The following ABTB3 variants were observed in gnomAD, a reference collection of about 807,000 sequenced individuals.
ABTB3 encodes ankyrin repeat and BTB domain containing 3.
the ABTB3 span, among the ~76,000 whole-genome samples, chr12:107,573,526 G>A: frequency 1.3e-5 from 2 of 149,232 alleles, no homozygotes; most frequent in African/African-American, 5.0e-5. Context: ...GGAACAGATG[G>A]TGAGTGGACA....
the ABTB3 span, among the ~76,000 whole-genome samples, chr12:107,464,976 A>ACACC: frequency 3.7e-3 from 524 of 142,374 alleles, 1 homozygote; most frequent in African/African-American, 0.013. Flanking sequence ...ACACACACAC[A>ACACC]CCCCAGAGAA....
chr12:107,631,771 G>T, the ABTB3 span, among the ~76,000 whole-genome samples: 7 of 152,186 alleles, frequency 4.6e-5, no homozygotes, highest in Non-Finnish European at 8.8e-5. Flanking sequence ...ATTTTTCAGA[G>T]GGAAACCCTG....
chr12:107,637,400 T>A, the ABTB3 span, among the ~76,000 whole-genome samples: 3,049 of 149,652 alleles, frequency 0.02, 41 homozygotes, highest in Non-Finnish European at 0.027. Flanking sequence ...TCAAAAAATT[T>A]AAAAAAAAAA....
At chr12:107,541,435 CTCTCTCTCTT>C in the ABTB3 span, among the ~76,000 whole-genome samples, 2 of 152,238 alleles carry the variant, frequency 1.3e-5, no homozygotes. Flanking sequence ...GGATTTCTCT[CTCTCTCTCTT>C]TCTCTGTAGC....
chr12:107,595,336 C>T, the ABTB3 span, among the ~76,000 whole-genome samples: 1 of 152,076 alleles, frequency 6.6e-6, no homozygotes, highest in Non-Finnish European at 1.5e-5. Context: ...AAGCAAGCCA[C>T]AGGGGAGCAG....
chr12:107,632,382 G>A, the ABTB3 span, among the ~76,000 whole-genome samples: 2 of 152,320 alleles, frequency 1.3e-5, no homozygotes, highest in South Asian at 4.1e-4. Flanking sequence ...ACACCCTGGT[G>A]TAGATGAGTG....
the ABTB3 span, among the ~76,000 whole-genome samples, chr12:107,338,781 G>C: frequency 1.3e-5 from 2 of 152,142 alleles, no homozygotes; most frequent in East Asian, 1.9e-4. Context: ...AGGTGATGAG[G>C]CTCCTCGAGA....
the ABTB3 span, among the ~76,000 whole-genome samples, chr12:107,368,791 G>A: frequency 1.3e-5 from 2 of 152,196 alleles, no homozygotes; most frequent in African/African-American, 4.8e-5. Context: ...AATCTGTTGA[G>A]TATAATGTGG....
chr12:107,496,400 CT>C, the ABTB3 span, among the ~76,000 whole-genome samples: 1 of 152,128 alleles, frequency 6.6e-6, no homozygotes, highest in African/African-American at 2.4e-5. Flanking sequence ...TTGATTAAAT[CT>C]CCCTTGGAAT....
At chr12:107,539,953 C>T in the ABTB3 span, among the ~76,000 whole-genome samples, 7,094 of 152,212 alleles carry the variant, frequency 0.047, 553 homozygotes, top group African/African-American at 0.16. Flanking sequence ...AAGAGAATGT[C>T]CTTCCTTGAT....
chr12:107,646,731 G>A, the ABTB3 span, among the ~76,000 whole-genome samples: 1 of 152,194 alleles, frequency 6.6e-6, no homozygotes, highest in African/African-American at 2.4e-5. Flanking sequence ...TGCTTGCTGT[G>A]TGCCAAGCCC....
At chr12:107,643,402 CAA>C in the ABTB3 span, among the ~76,000 whole-genome samples, 17 of 79,526 alleles carry the variant, frequency 2.1e-4, no homozygotes, top group East Asian at 1.6e-3. Flanking sequence ...GACCCTATCT[CAA>C]AAAAAAAAAA....
At chr12:107,477,488 G>A in the ABTB3 span, among the ~76,000 whole-genome samples, 1 of 152,178 alleles carries the variant, frequency 6.6e-6, no homozygotes, top group Non-Finnish European at 1.5e-5. Flanking sequence ...GAAAGAAGGT[G>A]CTAGAGTGTT....
chr12:107,606,507 G>A, the ABTB3 span, among the ~76,000 whole-genome samples: 2 of 152,162 alleles, frequency 1.3e-5, no homozygotes, highest in East Asian at 1.9e-4. Context: ...GCCCCGTAGT[G>A]TGGGGCCCAG....
chr12:107,369,803 T>A, the ABTB3 span, among the ~76,000 whole-genome samples: 2 of 149,174 alleles, frequency 1.3e-5, no homozygotes, highest in Non-Finnish European at 3.0e-5. Flanking sequence ...ATGAGTTTTG[T>A]TTGGCAGAAT....
chr12:107,501,426 G>A, the ABTB3 span, among the ~76,000 whole-genome samples: 169 of 151,362 alleles, frequency 1.1e-3, no homozygotes, highest in East Asian at 0.026. Flanking sequence ...ATGGCTGGGC[G>A]CGGTGGCTCA....
the ABTB3 span, among the ~76,000 whole-genome samples, chr12:107,403,202 G>T: frequency 6.6e-6 from 1 of 152,170 alleles, no homozygotes; most frequent in African/African-American, 2.4e-5. Context: ...ATTTACTTCC[G>T]TTTGACAGAT....
At chr12:107,340,252 C>T in the ABTB3 span, among the ~76,000 whole-genome samples, 2 of 152,140 alleles carry the variant, frequency 1.3e-5, no homozygotes, top group Admixed American at 1.3e-4. Flanking sequence ...GGCCCAAGAA[C>T]TGAGTTGCTT....
chr12:107,327,145 G>A, the ABTB3 span, among the ~76,000 whole-genome samples: 1 of 152,078 alleles, frequency 6.6e-6, no homozygotes, highest in East Asian at 1.9e-4. Context: ...TTAAAATTAA[G>A]GTTTATAGAT....
Sources: allele counts gnomAD v4.1 joint callset (sites outside exome capture counted in the v4.1 genomes callset), GRCh38; gene constraint gnomAD v4.1.1; transcripts MANE v1.5; gene names NCBI Gene and HGNC (gene_info 2026-07-23, HGNC 2026-07-21).